SLC8A1: variants seen among roughly 807,000 people sequenced by gnomAD.
SLC8A1 encodes the protein solute carrier family 8 member A1.
In SLC8A1, 18 loss-of-function variants were observed where a neutral mutation model predicts 68.3. The ratio of observed to expected loss-of-function variants is 0.26; its 90% CI spans 0.18 to 0.39. The LOEUF is 0.39. SLC8A1 is among the 10% of genes least tolerant of loss of function. The probability of loss-of-function intolerance (pLI) is 1.00; values close to 1 mark genes in which losing one functional copy is unlikely to be tolerated. For missense variants in SLC8A1, 985 were observed against 1,156.7 expected, an observed-to-expected ratio of 0.85 and a Z score of 2.15; for synonymous variants, 475 against 415.5, an observed-to-expected ratio of 1.14 and a Z score of -1.74.
chr2:40,254,251 G>A (rs925987433), intron 2 of SLC8A1, among the ~76,000 whole-genome samples: 63 of 152,132 alleles, frequency 4.1e-4, no homozygotes, highest in Non-Finnish European at 8.1e-4. Flanking sequence ...AAATGAGATT[G>A]GGGTCTTAAG....
chr2:40,434,273 C>G (rs1698969926), intron 1 of SLC8A1, among the ~76,000 whole-genome samples: 1 of 152,144 alleles, frequency 6.6e-6, no homozygotes, highest in Admixed American at 6.5e-5. Flanking sequence ...AATTTGTGAA[C>G]AGTGGACACA....
intron 2 of SLC8A1, among the ~76,000 whole-genome samples, chr2:40,344,206 T>C (rs1374494783): frequency 2.0e-5 from 3 of 152,270 alleles, no homozygotes; most frequent in Admixed American, 1.3e-4. Context: ...AATATCAAGA[T>C]GTCAACAGCA....
intron 2 of SLC8A1, among the ~76,000 whole-genome samples, chr2:40,304,106 T>C (rs1035392047): frequency 2.6e-5 from 4 of 152,222 alleles, no homozygotes; most frequent in African/African-American, 9.6e-5. Context: ...AGTCCTTTAG[T>C]ATATCTCATA....
chr2:40,402,887 T>G (rs1449576540), intron 2 of SLC8A1, among the ~76,000 whole-genome samples: 2 of 152,234 alleles, frequency 1.3e-5, no homozygotes, highest in African/African-American at 2.4e-5. Context: ...TGAAAGTCAT[T>G]GCTATTAGCT....
chr2:40,119,306 T>C lies in SLC8A1; in HGVS notation c.2438-3677A>G, dbSNP rs149351270. ...TGGGTTAGACATCAGGCCTTTTGTC[T>C]GTTTTTATTTTCAATTCAAAAGCAA... On this transcript the variant is annotated intron_variant, in intron 7 of 7. Transcript: ENST00000406785. Among the ~76,000 whole-genome samples, 175 of 147,958 alleles carry C rather than the reference T, an allele frequency of 1.2e-3. 2 individuals carry two copies. The East Asian group carries it at 0.027, about 23-fold the overall frequency.
At chr2:40,321,263 A>G (rs761109708) in intron 2 of SLC8A1, among the ~76,000 whole-genome samples, 6 of 152,128 alleles carry the variant, frequency 3.9e-5, no homozygotes, top group Middle Eastern at 3.2e-3. Context: ...AAGGAATGTA[A>G]TTGTTTTTTC....
At chr2:40,358,701 C>T (rs1559376419) in intron 2 of SLC8A1, among the ~76,000 whole-genome samples, 1 of 152,220 alleles carries the variant, frequency 6.6e-6, no homozygotes, top group Non-Finnish European at 1.5e-5. Flanking sequence ...GGCCTAGGTA[C>T]AGTCCAAGGT....
intron 2 of SLC8A1, among the ~76,000 whole-genome samples, chr2:40,421,115 C>T (rs1695388905): frequency 6.7e-6 from 1 of 149,970 alleles, no homozygotes; most frequent in South Asian, 2.2e-4. Context: ...CTACCGCCAT[C>T]ATCTCCAACA....
At chr2:40,338,151 C>T (rs1666581578) in intron 2 of SLC8A1, among the ~76,000 whole-genome samples, 1 of 152,074 alleles carries the variant, frequency 6.6e-6, no homozygotes, top group South Asian at 2.1e-4. Context: ...AATAAGGCTA[C>T]AATTCAGCCA....
intron 2 of SLC8A1, among the ~76,000 whole-genome samples, chr2:40,186,805 G>T (rs557701293): frequency 6.6e-6 from 1 of 152,284 alleles, no homozygotes; most frequent in African/African-American, 2.4e-5. Flanking sequence ...GAAGATAATA[G>T]AACTTACTTC....
rs116739892 is a variant in SLC8A1, at chr2:40,450,234, C to A, written c.-25+1670G>T. On this transcript the variant is annotated intron_variant, in intron 1 of 7. Transcript: ENST00000406785. ...TTTGAAAGAGGAACCTAAAACCAATCATCCCTCTTCCGGCTTTGTCTTCTT... is the reference window on the plus strand; with the variant it reads ...TTTGAAAGAGGAACCTAAAACCAATAATCCCTCTTCCGGCTTTGTCTTCTT... 3.6e-3 allele frequency among the ~76,000 whole-genome samples: 550 copies of A among 152,274 alleles called. 3 individuals are homozygous for A. The highest frequency in any genetic ancestry group is 0.013 in the African/African-American group (521 of 41,538).
intron 2 of SLC8A1, among the ~76,000 whole-genome samples, chr2:40,211,262 A>G (rs538239150): frequency 2.0e-4 from 31 of 152,326 alleles, no homozygotes; most frequent in African/African-American, 7.5e-4. Context: ...TAACTACACT[A>G]GTTCTTCCTA....
chr2:40,512,370 C>T (rs1706800400), exon 1 of SLC8A1: 1 of 152,316 alleles, frequency 6.6e-6, no homozygotes. Context: ...TTTGGCTGCT[C>T]AGTCCGCATG....
chr2:40,355,742 G>A (rs866665549), intron 2 of SLC8A1, among the ~76,000 whole-genome samples: 5 of 152,188 alleles, frequency 3.3e-5, no homozygotes, highest in Non-Finnish European at 5.9e-5. Context: ...GTCATCATTC[G>A]AATGTCAGTA....
At chr2:40,313,305 G>A (rs1176458717) in intron 2 of SLC8A1, among the ~76,000 whole-genome samples, 5 of 152,142 alleles carry the variant, frequency 3.3e-5, no homozygotes, top group African/African-American at 9.6e-5. Context: ...GAGTAGTATT[G>A]CTGTGTATGG....
At chr2:40,204,218 A>G (rs947787440) in intron 2 of SLC8A1, among the ~76,000 whole-genome samples, 46 of 152,114 alleles carry the variant, frequency 3.0e-4, no homozygotes, top group African/African-American at 1.1e-3. Context: ...CTGTCTTTTA[A>G]GATTGCTTTA....
intron 2 of SLC8A1, among the ~76,000 whole-genome samples, chr2:40,326,369 G>C (rs993924096): frequency 1.3e-5 from 2 of 151,790 alleles, no homozygotes; most frequent in African/African-American, 4.8e-5. Flanking sequence ...TAGATTAGAG[G>C]AAAGATCAAA....
intron 2 of SLC8A1, among the ~76,000 whole-genome samples, chr2:40,375,915 C>T (rs552653307): frequency 1.8e-4 from 27 of 152,114 alleles, no homozygotes; most frequent in African/African-American, 6.0e-4. Context: ...ATGGGAGAGT[C>T]GCTTGAGCTT....
chr2:40,254,464 C>G (rs1019231442), intron 2 of SLC8A1: 8 of 114,408 alleles, frequency 7.0e-5, no homozygotes, highest in African/African-American at 2.4e-4. Context: ...AAACATGAAG[C>G]TAAATGCAGT....
Sources: allele counts gnomAD v4.1 joint callset (sites outside exome capture counted in the v4.1 genomes callset), GRCh38; gene constraint gnomAD v4.1.1; transcripts MANE v1.5; gene names NCBI Gene and HGNC (gene_info 2026-07-23, HGNC 2026-07-21).